The following DYSF variants were observed in gnomAD, a reference collection of about 807,000 sequenced individuals.
The protein encoded by DYSF is dystrophy-associated fer-1-like 1.
DYSF carries 212 observed loss-of-function variants against 274.9 expected under a neutral mutation model. The observed-to-expected ratio is 0.77, with a 90% CI of 0.69 to 0.86. The LOEUF is 0.86. DYSF is among the 40% of genes least tolerant of loss of function. The pLI, the probability that DYSF is intolerant of heterozygous loss-of-function variation, is 0.00. For missense variants in DYSF, 2,666 were observed against 2,783.2 expected (o/e 0.96, Z 0.95); for synonymous variants, 1,091 against 1,078.7 (o/e 1.01, Z -0.22).
intron 44 of DYSF, among the ~76,000 whole-genome samples, chr2:71,660,110 C>T (rs900620585): frequency 1.2e-4 from 18 of 152,340 alleles, no homozygotes; most frequent in African/African-American, 2.4e-4. Flanking sequence ...GCTGCTGGGT[C>T]GCTGGCTGAG....
intron 1 of DYSF, among the ~76,000 whole-genome samples, chr2:71,455,158 G>T (rs2081005113): frequency 6.6e-6 from 1 of 152,212 alleles, no homozygotes; most frequent in African/African-American, 2.4e-5. Flanking sequence ...TATGATCCCA[G>T]GCACATGCAC....
intron 51 of DYSF, among the ~76,000 whole-genome samples, chr2:71,670,247 C>G (rs1225543299): frequency 6.6e-6 from 1 of 152,198 alleles, no homozygotes; most frequent in East Asian, 1.9e-4. Flanking sequence ...AAATCCAGAT[C>G]CCAAAGTCAC....
intron 36 of DYSF, among the ~76,000 whole-genome samples, chr2:71,606,534 A>AG (rs1464537518): frequency 3.3e-5 from 5 of 152,116 alleles, no homozygotes; most frequent in East Asian, 1.9e-4. Context: ...ACTGTCCTGG[A>AG]GAGGGGGTGC....
At chr2:71,546,109 T>C (rs1179382947) in intron 17 of DYSF, among the ~76,000 whole-genome samples, 6 of 152,266 alleles carry the variant, frequency 3.9e-5, no homozygotes, top group Non-Finnish European at 8.8e-5. Context: ...CCTGCAGAGG[T>C]GGGTCCCTTT....
In DYSF at chr2:71,659,398, T is replaced by C. The variant is rs115768216; in HGVS notation, c.4911+365T>C. Among the ~76,000 whole-genome samples, 503 of 152,254 alleles carry C rather than the reference T, an allele frequency of 3.3e-3. 1 individual carries two copies. The highest frequency in any genetic ancestry group is 0.027 in the Middle Eastern group (8 of 294). On this transcript the variant is annotated intron_variant, in intron 44 of 55. Coordinates refer to ENST00000410020, the MANE Select transcript of DYSF (RefSeq NM_001130987.2). ...GCTTAATGTGTGTCTAGAACAAGAATAAAGCAGAAAGATAAGTAAGGCTGA... is the reference window on the plus strand; with the variant it reads ...GCTTAATGTGTGTCTAGAACAAGAACAAAGCAGAAAGATAAGTAAGGCTGA...
rs2081030846 is a variant in DYSF at position 71,455,670 on chromosome 2, G to A, written c.88+1584G>A. 4.6e-5 allele frequency among the ~76,000 whole-genome samples: 7 copies of A among 152,128 alleles called. No individual in the cohort carries two copies. The South Asian group carries it at 1.4e-3, about 31-fold the overall frequency. On this transcript the variant is annotated intron_variant, in intron 1 of 54. Coordinates refer to the DYSF transcript ENST00000258104. ...TAAATAGCCCCTTGGCGGAGGGGAG[G>A]GAGGACAGGCACTCTGTGGGTGAAG...
chr2:71,520,209 G>A lies in DYSF; in HGVS notation c.1033+1G>A, dbSNP rs201869739. ...GTGGGCACCATTTACAGAGAGCCCCGTGAGTTCTCACCACTTTGGCCGTAT... is the reference window on the plus strand; with the variant it reads ...GTGGGCACCATTTACAGAGAGCCCCATGAGTTCTCACCACTTTGGCCGTAT... On this transcript the variant is annotated splice_donor_variant, in intron 11 of 55. Coordinates refer to ENST00000410020, the MANE Select transcript of DYSF (RefSeq NM_001130987.2). LOFTEE classifies it high-confidence loss of function. The A allele has an allele frequency of 1.2e-5, 20 of 1,614,152 alleles. No individual in the cohort carries two copies. Among genetic ancestry groups the A allele is most frequent in the South Asian group, 5.5e-5 (5 of 91,084 alleles).
rs1343653244 is a variant in DYSF, at chr2:71,615,141, C to G, written c.4464+1731C>G. ...TTTTAGGTCCTGCTGGCCACAAGCACAGCCAGAGGCAGACGATGAGGAGGC... is the reference window on the plus strand; with the variant it reads ...TTTTAGGTCCTGCTGGCCACAAGCAGAGCCAGAGGCAGACGATGAGGAGGC... On this transcript the variant is annotated intron_variant, in intron 40 of 55. Coordinates refer to ENST00000410020, the MANE Select transcript of DYSF (RefSeq NM_001130987.2). The surrounding 1 kb of genome is among the most constrained non-coding windows in gnomAD (Gnocchi z 4.9). Among the ~76,000 whole-genome samples, 1 of 152,232 alleles carries G rather than the reference C, an allele frequency of 6.6e-6. No individual in the cohort carries two copies. Among genetic ancestry groups the G allele is most frequent in the Non-Finnish European group, 1.5e-5 (1 of 68,048 alleles).
chr2:71,469,060 C>T (rs192758249), intron 1 of DYSF, among the ~76,000 whole-genome samples: 3 of 152,260 alleles, frequency 2.0e-5, no homozygotes, highest in African/African-American at 7.2e-5. Flanking sequence ...GTAGAGGTTC[C>T]GATGCAGCAG....
intron 29 of DYSF, chr2:71,571,020 C>T (rs1273680982): frequency 2.0e-6 from 1 of 511,028 alleles, no homozygotes; most frequent in African/African-American, 2.0e-5. Context: ...ACAGATCACA[C>T]TCAGCACACA....
At chr2:71,663,282 C>T (rs896000515) in intron 45 of DYSF, among the ~76,000 whole-genome samples, 11 of 152,198 alleles carry the variant, frequency 7.2e-5, no homozygotes, top group East Asian at 1.9e-4. Context: ...GAGAGCCCCC[C>T]GTGAGCCCTC....
chr2:71,651,911 T>A (rs556179567), intron 42 of DYSF, among the ~76,000 whole-genome samples: 1 of 152,336 alleles, frequency 6.6e-6, no homozygotes, highest in South Asian at 2.1e-4. Flanking sequence ...TTTCAGTTGG[T>A]GCTGAAAAGC....
At position 71,681,055 on chromosome 2, in the gene DYSF, C is replaced by T. The variant is rs1469445388; in HGVS notation, c.6118C>T (p.Pro2040Ser). 1 of 1,614,238 alleles carries T rather than the reference C, an allele frequency of 6.2e-7. No individual in the cohort carries two copies. Residue 2040 changes from proline to serine, a missense_variant, in exon 54 of 56, where the codon CCT becomes TCT. Physicochemically the swap from Pro to Ser is moderately conservative, Grantham distance 74. This residue lies in a region of DYSF where 1,460 missense variants were observed against 1,502.1 expected (regional missense o/e 0.97). Coordinates refer to ENST00000410020, the MANE Select transcript of DYSF (RefSeq NM_001130987.2). ...IVAESEHEER[P>S]AGQGRDEPNM... The stretch of plus-strand genomic sequence containing the variant: ...AGCAGAGAGTGAGCATGAGGAGCGG[C>T]CTGCTGGCCAGGGCCGGGATGAGCC...
At chr2:71,681,568 TCCTATGGTG>T (rs2095296953) in intron 54 of DYSF, among the ~76,000 whole-genome samples, 1 of 152,216 alleles carries the variant, frequency 6.6e-6, no homozygotes, top group Admixed American at 6.5e-5. Flanking sequence ...TCGGTGGCTC[TCCTATGGTG>T]CCAGTGTGAC....
Position 71,537,218 on chromosome 2 carries a change from G to GTTTTTTTTTTTTTTTTTTTT in DYSF, c.1493+1911_1493+1912insTTTTTTTTTTTTTTTTTTTT, listed in dbSNP as rs751063098. 4.2e-5 allele frequency among the ~76,000 whole-genome samples: 2 copies of GTTTTTTTTTTTTTTTTTTTT among 47,704 alleles called. 1 individual carries two copies. Among genetic ancestry groups the GTTTTTTTTTTTTTTTTTTTT allele is most frequent in the African/African-American group, 1.3e-4 (2 of 15,770 alleles). 31.3% of individuals were successfully genotyped at this position (47,704 alleles called of 152,430 possible). A position where few individuals can be genotyped will look rare whatever the true frequency, so the allele number is the denominator to read the frequency against. On this transcript the variant is annotated intron_variant, in intron 16 of 55. Transcript: ENST00000410020. ...TATTGCAGGAAATTTTTACTTTCTA[G>GTTTTTTTTTTTTTTTTTTTT]TTTTGTTTTTTTTTTTTTTTTTTTT...
chr2:71,457,949 C>CG (rs891407484), intron 1 of DYSF, among the ~76,000 whole-genome samples: 25 of 152,164 alleles, frequency 1.6e-4, no homozygotes, highest in African/African-American at 4.3e-4. Context: ...GAAAGTTGGG[C>CG]GGGGGGCTCA....
intron 29 of DYSF, among the ~76,000 whole-genome samples, chr2:71,573,687 G>A (rs2092600506): frequency 1.3e-5 from 2 of 152,200 alleles, no homozygotes; most frequent in Admixed American, 1.3e-4. Context: ...AATCCACCCA[G>A]AATTCAAACA....
intron 3 of DYSF, among the ~76,000 whole-genome samples, chr2:71,500,146 A>G (rs1223223178): frequency 6.6e-6 from 1 of 152,014 alleles, no homozygotes; most frequent in African/African-American, 2.4e-5. Flanking sequence ...CATCTCCTCC[A>G]TCCCTGTGAA....
chr2:71,654,729 A>G (rs921585558), intron 42 of DYSF, among the ~76,000 whole-genome samples: 2 of 152,178 alleles, frequency 1.3e-5, no homozygotes, highest in Admixed American at 1.3e-4. Context: ...GAAGAGTTTT[A>G]TAGAAGTATA....
Sources: gnomAD v4.1 joint callset for allele counts (sites outside exome capture counted in the v4.1 genomes callset) on GRCh38, gnomAD v4.1.1 for gene constraint, gnomAD v4.1.1 regional missense constraint, Gnocchi (gnomAD v3.1) non-coding constraint, MANE v1.5 for transcripts, NCBI Gene and HGNC (gene_info 2026-07-23, HGNC 2026-07-21) for gene names.